The following NLRP6 variants were observed in gnomAD, a reference collection of about 807,000 sequenced individuals.
NLRP6 encodes the protein NLR family pyrin domain containing 6.
In NLRP6, 55 loss-of-function variants were observed where a neutral mutation model predicts 70.9. The observed-to-expected ratio is 0.78, with a 90% CI of 0.62 to 0.97. NLRP6 has a LOEUF of 0.97. NLRP6 is among the 50% of genes least tolerant of loss of function. NLRP6 has a pLI of 0.00. For missense variants in NLRP6, 1,241 were observed against 1,238.3 expected (o/e 1.00, Z -0.03); for synonymous variants, 652 against 581.9 (o/e 1.12, Z -1.73).
Position 280,557 on chromosome 11 carries a change from C to A in NLRP6, c.823C>A (p.Leu275Ile). ...PQMLAQPQRL[L>I]FILDGADELP... ...GATGCTGGCCCAGCCGCAGCGGCTG[C>A]TCTTCATCCTGGACGGCGCGGACGA... The change falls in exon 4 of 8, where the codon CTC becomes ATC. Residue 275 changes from leucine to isoleucine, a missense_variant. Leu to Ile is a conservative substitution (Grantham distance 5). Transcript: ENST00000534750. The A allele has an allele frequency of 6.6e-7, 1 of 1,520,448 alleles. No individual in the cohort carries two copies. The highest frequency in any genetic ancestry group is 8.7e-7 in the Non-Finnish European group (1 of 1,146,026). The allele number at this position is 1,520,448 out of a possible 1,614,324, so 94.2% of individuals were successfully genotyped here.
Position 280,101 on chromosome 11 carries a change from C to A in NLRP6, c.367C>A (p.Arg123=), listed in dbSNP as rs866118844. 2.6e-6 allele frequency: 4 copies of A among 1,518,922 alleles called. No individual in the cohort carries two copies. Among genetic ancestry groups the A allele is most frequent in the East Asian group, 2.4e-5 (1 of 40,880 alleles). 94.1% of individuals were successfully genotyped at this position (1,518,922 alleles called of 1,614,324 possible). Residue 123 remains arginine (R), a synonymous_variant, in exon 4 of 8, where the codon CGG becomes AGG. Coordinates refer to ENST00000534750, the MANE Select transcript of NLRP6 (RefSeq NM_001276700.2). ...LSVSEYKKKY[R]EHVLQLHARV... Reference sequence around the variant, plus strand: ...GCGCCCAGAGTACAAGAAGAAGTACCGGGAGCACGTGCTGCAGCTGCACGC... The same window carrying A: ...GCGCCCAGAGTACAAGAAGAAGTACAGGGAGCACGTGCTGCAGCTGCACGC...
chr11:284,110 T>C (rs1001339469), intron 5 of NLRP6, 120 bp from the exon 6 acceptor site: 2 of 851,362 alleles, frequency 2.3e-6, no homozygotes, highest in South Asian at 3.1e-5. Flanking sequence ...GGGAAGGATG[T>C]GGCACCAACA....
rs762222925 is a variant in NLRP6, at chr11:284,295, C to T, written c.2264C>T (p.Pro755Leu). ...RDLSEALRAA[P>L]ALTELGLLHN... ...CTTTCTGAGGCCCTGAGGGCAGCCC[C>T]CGCACTGACGGAGCTGGGCCTCCTC... is the stretch of plus-strand genomic sequence containing the variant. The change falls in exon 6 of 8, where the codon CCC becomes CTC. Residue 755 changes from proline to leucine, a missense_variant. Transcript: ENST00000534750. The T allele has an allele frequency of 1.2e-6, 2 of 1,612,840 alleles. No individual in the cohort carries two copies. The highest frequency in any genetic ancestry group is 1.1e-5 in the South Asian group (1 of 91,082).
Position 281,659 on chromosome 11 carries a change from C to T in NLRP6, c.1925C>T (p.Pro642Leu), listed in dbSNP as rs1845481154. 6.2e-7 allele frequency: 1 copy of T among 1,613,266 alleles called. No individual in the cohort carries two copies. Among genetic ancestry groups the T allele is most frequent in the Non-Finnish European group, 8.5e-7 (1 of 1,180,012 alleles). Residue 642 changes from proline (P) to leucine (L), a missense_variant, in exon 4 of 8, where the codon CCG becomes CTG. Coordinates refer to ENST00000534750, the MANE Select transcript of NLRP6 (RefSeq NM_001276700.2). ...AFVRQALCRF[P>L]ELALQRVRFC... ...GTGCGCCAAGCCCTGTGCCGGTTCC[C>T]GGAGCTGGCGCTGCAGCGAGTGCGC... is the stretch of plus-strand genomic sequence containing the variant.
Position 278,504 on chromosome 11 carries a change from G to A in NLRP6, c.-66G>A. 7.3e-7 allele frequency: 1 copy of A among 1,370,570 alleles called. No homozygotes were observed. The highest frequency in any genetic ancestry group is 9.8e-7 in the Non-Finnish European group (1 of 1,022,168). The allele number at this position is 1,370,570 out of a possible 1,614,324, so 84.9% of individuals were successfully genotyped here. A position where few individuals can be genotyped will look rare whatever the true frequency, so the allele number is the denominator to read the frequency against. On this transcript the variant is annotated 5_prime_UTR_variant, in exon 1 of 8. Coordinates refer to ENST00000534750, the MANE Select transcript of NLRP6 (RefSeq NM_001276700.2). This position sits in a 1 kb window ranked among gnomAD's most constrained non-coding sequence, Gnocchi z 4.7. ...AAGACTTGGCTCCAGCTCAGCCTGT[G>A]AAGGAATCACCTCTCTGATCCCCAC...
chr11:282,611 C>T, intron 4 of NLRP6, 94 bp from the exon 5 acceptor site: 3 of 987,226 alleles, frequency 3.0e-6, no homozygotes, highest in Non-Finnish European at 4.9e-6. Flanking sequence ...GGAGGGGCAG[C>T]TCTGAGACCC....
chr11:280,923 G>A lies in NLRP6; in HGVS notation c.1189G>A (p.Val397Met). ...CTTCGTGTGCTGGATCGTGTGCACC[G>A]TGCTGCGCCAGCAGCTGGAGCTCGG... ...VPFVCWIVCT[V>M]LRQQLELGRD... is the part of the protein sequence containing the mutation. Residue 397 changes from valine to methionine, a missense_variant, in exon 4 of 8, where the codon GTG (valine) becomes ATG (methionine). Transcript: ENST00000534750. The A allele has an allele frequency of 1.2e-6, 2 of 1,613,272 alleles. No homozygotes were observed. Among genetic ancestry groups the A allele is most frequent in the East Asian group, 2.2e-5 (1 of 44,886 alleles).
chr11:285,275 C>G lies in NLRP6; in HGVS notation c.2647C>G (p.Pro883Ala). The G allele has an allele frequency of 6.2e-7, 1 of 1,609,244 alleles. No individual in the cohort carries two copies. Among genetic ancestry groups the G allele is most frequent in the South Asian group, 1.1e-5 (1 of 89,948 alleles). Residue 883 changes from proline to alanine, a missense_variant, in exon 8 of 8, where the codon CCT becomes GCT. By Grantham distance (27) the Pro-to-Ala change is conservative (BLOSUM62 -1). Transcript: ENST00000534750. Reference protein sequence around the residue: ...THPALDGHPQPPKELISTF With the variant: ...THPALDGHPQAPKELISTF ...CCCAGCGCTGGACGGCCACCCACAACCTCCCAAGGAACTCATCTCGACCTT... is the reference window on the plus strand; with the variant it reads ...CCCAGCGCTGGACGGCCACCCACAAGCTCCCAAGGAACTCATCTCGACCTT...
In NLRP6 at chr11:280,399, G is replaced by A; in HGVS notation, c.665G>A (p.Gly222Asp). Residue 222 changes from glycine (G) to aspartate (D), a missense_variant, in exon 4 of 8, where the codon GGC becomes GAC. Physicochemically the swap from Gly to Asp is moderately conservative, Grantham distance 94. Transcript: ENST00000534750. ...AKKILYDWAA[G>D]KLYQGQVDFA... ...AAGATCCTGTACGACTGGGCGGCGG[G>A]CAAGCTGTACCAGGGCCAGGTGGAC... The A allele has an allele frequency of 1.3e-6, 2 of 1,573,356 alleles. No individual in the cohort carries two copies. Among genetic ancestry groups the A allele is most frequent in the Admixed American group, 1.7e-5 (1 of 57,344 alleles).
At chr11:283,311 CTTTTTTTT>C (rs34619806) in intron 5 of NLRP6, among the ~76,000 whole-genome samples, 1 of 115,456 alleles carries the variant, frequency 8.7e-6, no homozygotes, top group Non-Finnish European at 1.8e-5. Context: ...ATGTACAGTT[CTTTTTTTT>C]TTTTTTTTTT....
rs1377083650 is a variant in NLRP6 at position 280,198 on chromosome 11, A to G, written c.464A>G (p.Glu155Gly). 6.5e-7 allele frequency: 1 copy of G among 1,547,232 alleles called. No individual in the cohort carries two copies. Among genetic ancestry groups the G allele is most frequent in the Admixed American group, 2.0e-5 (1 of 50,744 alleles). ...TTCACCAAGCTGCTCATCGCGCCCG[A>G]GAGCGCCGCCCCGGAGGAGGCGATG... ...KRFTKLLIAP[E>G]SAAPEEAMGP... Residue 155 changes from glutamate (E) to glycine (G), a missense_variant, in exon 4 of 8, where the codon GAG (glutamate) becomes GGG (glycine). By Grantham distance (98) the Glu-to-Gly change is moderately conservative (BLOSUM62 -2). Coordinates refer to ENST00000534750, the MANE Select transcript of NLRP6 (RefSeq NM_001276700.2).
At position 280,858 on chromosome 11, in the gene NLRP6, T is replaced by C; in HGVS notation, c.1124T>C (p.Val375Ala). The C allele has an allele frequency of 3.1e-6, 5 of 1,613,460 alleles. No individual in the cohort carries two copies. Among genetic ancestry groups the C allele is most frequent in the Non-Finnish European group, 4.2e-6 (5 of 1,179,984 alleles). ...AGGGCCGAGCGCGCCTACCGCTTCGTGAAGGAGAACGAGACGCTGTTCGCG... is the reference window on the plus strand; with the variant it reads ...AGGGCCGAGCGCGCCTACCGCTTCGCGAAGGAGAACGAGACGCTGTTCGCG... ...ERRAERAYRFVKENETLFALC... is the reference protein window; with the variant it reads ...ERRAERAYRFAKENETLFALC... Residue 375 changes from valine (V) to alanine (A), a missense_variant, in exon 4 of 8, where the codon GTG becomes GCG. Physicochemically the swap from Val to Ala is moderately conservative, Grantham distance 64. Transcript: ENST00000534750.
Position 281,282 on chromosome 11 carries a change from C to T in NLRP6, c.1548C>T (p.Gly516=). Residue 516 remains glycine (G), a synonymous_variant, in exon 4 of 8, where the codon GGC becomes GGT. Coordinates refer to ENST00000534750, the MANE Select transcript of NLRP6 (RefSeq NM_001276700.2). ...LAALSYLLED[G]GVPRTAAGGV... ...CACTGTCCTACCTGCTGGAGGACGG[C>T]GGGGTGCCCAGGACCGCGGCTGGCG... 6.2e-7 allele frequency: 1 copy of T among 1,609,502 alleles called. No individual in the cohort carries two copies. The highest frequency in any genetic ancestry group is 8.5e-7 in the Non-Finnish European group (1 of 1,177,510).
rs1370930022 is a variant in NLRP6, at chr11:280,125, G to T, written c.391G>T (p.Ala131Ser). ...KYREHVLQLH[A>S]RVKERNARSV... ...CCGGGAGCACGTGCTGCAGCTGCAC[G>T]CTCGGGTGAAGGAGAGGAACGCCCG... is the stretch of plus-strand genomic sequence containing the variant. The change falls in exon 4 of 8, where the codon GCT becomes TCT. Residue 131 changes from alanine to serine, a missense_variant. Ala to Ser is a moderately conservative substitution (Grantham distance 99). Coordinates refer to ENST00000534750, the MANE Select transcript of NLRP6 (RefSeq NM_001276700.2). The T allele has an allele frequency of 6.5e-7, 1 of 1,534,636 alleles. No individual in the cohort carries two copies. Among genetic ancestry groups the T allele is most frequent in the Non-Finnish European group, 8.8e-7 (1 of 1,142,720 alleles).
At chr11:285,059 C>T in intron 7 of NLRP6, 107 bp from the exon 8 acceptor site, 1 of 957,090 alleles carries the variant, frequency 1.0e-6, no homozygotes, top group Non-Finnish European at 1.6e-6. Flanking sequence ...ACCCCCACGG[C>T]ACTGCCCGTC....
chr11:280,257 C>G lies in NLRP6; in HGVS notation c.523C>G (p.Arg175Gly), dbSNP rs1590268156. The G allele has an allele frequency of 6.6e-7, 1 of 1,523,836 alleles. No homozygotes were observed. The highest frequency in any genetic ancestry group is 8.8e-7 in the Non-Finnish European group (1 of 1,137,242). 94.4% of individuals were successfully genotyped at this position (1,523,836 alleles called of 1,614,324 possible). A position where few individuals can be genotyped will look rare whatever the true frequency, so the allele number is the denominator to read the frequency against. The change falls in exon 4 of 8, where the codon CGG becomes GGG. Residue 175 changes from arginine to glycine, a missense_variant. Transcript: ENST00000534750. ...PAEEPEPGRA[R>G]RSDTHTFNRL... ...GGAAGAGCCTGAGCCGGGGCGCGCG[C>G]GGCGCTCGGACACGCACACTTTCAA...
chr11:284,654 G>A lies in NLRP6; in HGVS notation c.2537+12G>A. On this transcript the variant is annotated intron_variant, in intron 7 of 7. Coordinates refer to ENST00000534750, the MANE Select transcript of NLRP6 (RefSeq NM_001276700.2). ...CTGCAGACCCTCAGGTGGAGGCAGG[G>A]GTGGGAAGGGTGCTGGGGACACAGC... 1 of 1,593,206 alleles carries A rather than the reference G, an allele frequency of 6.3e-7. No individual in the cohort carries two copies. Among genetic ancestry groups the A allele is most frequent in the Non-Finnish European group, 8.5e-7 (1 of 1,173,892 alleles).
At position 284,441 on chromosome 11, in the gene NLRP6, A is replaced by T; in HGVS notation, c.2370-34A>T. 5 of 1,602,990 alleles carry T rather than the reference A, an allele frequency of 3.1e-6. No individual in the cohort carries two copies. In the South Asian group the frequency reaches 5.5e-5, roughly 18 times the overall value. ...GGAGGGACCGTGGGATGCCCCCGCC[A>T]CCCCAGCAGCTCCTGAGGTCGGCCC... On this transcript the variant is annotated intron_variant, in intron 6 of 7. Transcript: ENST00000534750.
rs184896906 is a variant in NLRP6, at chr11:283,723, A to G, written c.2199-507A>G. Among the ~76,000 whole-genome samples, 205 of 152,262 alleles carry G rather than the reference A, an allele frequency of 1.3e-3. 1 individual carries two copies. Among genetic ancestry groups the G allele is most frequent in the African/African-American group, 4.8e-3 (201 of 41,542 alleles). On this transcript the variant is annotated intron_variant, in intron 5 of 7. Coordinates refer to ENST00000534750, the MANE Select transcript of NLRP6 (RefSeq NM_001276700.2). ...CTAGTACTGATGGTGAAACAGGTCC[A>G]TCCTACGTTGATGGCAACTCGGCAA...
Sources: allele counts gnomAD v4.1 joint callset (sites outside exome capture counted in the v4.1 genomes callset), GRCh38; gene constraint gnomAD v4.1.1; non-coding constraint Gnocchi (gnomAD v3.1); transcripts MANE v1.5; gene names NCBI Gene and HGNC (gene_info 2026-07-23, HGNC 2026-07-21).